The following LRP5 variants were observed in gnomAD, a reference collection of about 807,000 sequenced individuals.
LRP5 encodes LDL receptor related protein 5.
Under a neutral mutation model 154.1 loss-of-function variants are expected in LRP5, and 62 were observed. That is an observed-to-expected ratio of 0.40 (90% CI 0.33 to 0.50). LRP5 has a LOEUF of 0.50. Ranked by LOEUF, LRP5 falls within the 20% of genes least tolerant of loss-of-function variation. The pLI, the probability that LRP5 is intolerant of heterozygous loss-of-function variation, is 0.55. For synonymous variants in LRP5, 966 were observed against 1,011.5 expected, an observed-to-expected ratio of 0.96 and a Z score of 0.85; for missense variants, 1,915 against 2,336.7, an observed-to-expected ratio of 0.82 and a Z score of 3.72.
chr11:68,333,501 A>G (rs2098604039), intron 1 of LRP5, among the ~76,000 whole-genome samples: 1 of 152,164 alleles, frequency 6.6e-6, no homozygotes, highest in Non-Finnish European at 1.5e-5. Flanking sequence ...TAGCCTGATC[A>G]GTGCTTTTTC....
intron 3 of LRP5, 43 bp downstream of exon 3, chr11:68,357,890 C>A: frequency 1.9e-6 from 3 of 1,561,224 alleles, no homozygotes; most frequent in Non-Finnish European, 2.6e-6. Context: ...TCCCCTTTGT[C>A]CCCAGGGCTT....
chr11:68,363,613 C>T (rs1214554954), intron 3 of LRP5, 134 bp from the exon 4 acceptor site: 2 of 741,048 alleles, frequency 2.7e-6, no homozygotes, highest in South Asian at 3.1e-5. Context: ...GCTGAGATTA[C>T]ATCACTGCAC....
In LRP5 at chr11:68,413,247, A is replaced by G; in HGVS notation, c.2504-442A>G. On this transcript the variant is annotated intron_variant, in intron 11 of 22. Coordinates refer to ENST00000294304, the MANE Select transcript of LRP5 (RefSeq NM_002335.4). This position sits in a 1 kb window ranked among gnomAD's most constrained non-coding sequence, Gnocchi z 5.1. ...AAACCAGCAAAAGCCCTGGAAACTC[A>G]TGTGACCCTGCCAATGAGGGCGGCC... is the stretch of plus-strand genomic sequence containing the variant. The G allele has an allele frequency of 3.5e-6, 1 of 287,604 alleles. No homozygotes were observed. The highest frequency in any genetic ancestry group is 6.7e-6 in the Non-Finnish European group (1 of 149,730). The allele number at this position is 287,604 out of a possible 1,614,324, so 17.8% of individuals were successfully genotyped here. A position where few individuals can be genotyped will look rare whatever the true frequency, so the allele number is the denominator to read the frequency against.
chr11:68,395,232 C>A (rs549240624), intron 7 of LRP5, among the ~76,000 whole-genome samples: 1 of 143,176 alleles, frequency 7.0e-6, no homozygotes, highest in Non-Finnish European at 1.5e-5. Context: ...ACCTGGGAGG[C>A]GGAGGTTGCA....
chr11:68,406,707 C>A lies in LRP5; in HGVS notation c.1985C>A (p.Thr662Asn). Residue 662 changes from threonine to asparagine, a missense_variant, in exon 9 of 23, where the codon ACC (threonine) becomes AAC (asparagine). Thr to Asn is a moderately conservative substitution (Grantham distance 65, BLOSUM62 0). Coordinates refer to ENST00000294304, the MANE Select transcript of LRP5 (RefSeq NM_002335.4). ...GCCATCCACAGGATCTCCCTCGAGA[C>A]CAATAACAACGACGTGGCCATCCCG... ...RAAIHRISLETNNNDVAIPLT... is the reference protein window; with the variant it reads ...RAAIHRISLENNNNDVAIPLT... 1 of 1,614,188 alleles carries A rather than the reference C, an allele frequency of 6.2e-7. No homozygotes were observed. The highest frequency in any genetic ancestry group is 8.5e-7 in the Non-Finnish European group (1 of 1,180,040).
intron 8 of LRP5, chr11:68,404,515 G>A (rs558921750): frequency 5.0e-4 from 244 of 488,176 alleles, no homozygotes; most frequent in Non-Finnish European, 7.7e-4. Context: ...GGAGCAGGTT[G>A]GGGCAGAAAG....
rs1451141435 is a variant in LRP5, at chr11:68,406,873, C to G, written c.2091+60C>G. On this transcript the variant is annotated intron_variant, in intron 9 of 22. Coordinates refer to ENST00000294304, the MANE Select transcript of LRP5 (RefSeq NM_002335.4). ...TTATGGGAAAACCTTGCCTCTGTTC[C>G]TGCCTCAAAGGCTTCAGACACTTTT... The G allele has an allele frequency of 1.9e-6, 3 of 1,560,338 alleles. No individual in the cohort carries two copies. The East Asian group carries it at 6.9e-5, about 36-fold the overall frequency.
chr11:68,329,935 C>T (rs1450945427), intron 1 of LRP5, among the ~76,000 whole-genome samples: 1 of 152,214 alleles, frequency 6.6e-6, no homozygotes, highest in African/African-American at 2.4e-5. Context: ...TAGTAATGGG[C>T]TGGTTTCTGG....
chr11:68,406,462 C>A, intron 8 of LRP5, 62 bp from the exon 9 acceptor site: 1 of 1,551,374 alleles, frequency 6.4e-7, no homozygotes, highest in Non-Finnish European at 8.9e-7. Flanking sequence ...TGTGGCTTGG[C>A]CGCACCCCTT....
intron 1 of LRP5, among the ~76,000 whole-genome samples, chr11:68,314,797 C>G (rs2098591852): frequency 6.6e-6 from 1 of 152,236 alleles, no homozygotes; most frequent in South Asian, 2.1e-4. Context: ...GTGGGGTTAA[C>G]CAAGTGCTGT....
At position 68,447,328 on chromosome 11, in the gene LRP5, A is replaced by G. The variant is rs759184925; in HGVS notation, c.4586+795A>G. Among the ~76,000 whole-genome samples the G allele has an allele frequency of 1.2e-4, 19 of 152,288 alleles. No homozygotes were observed. The highest frequency in any genetic ancestry group is 2.2e-4 in the Non-Finnish European group (15 of 68,026). Reference sequence around the variant, plus strand: ...TGGGCCTGGGCCAGGACACCTCTGGACCACGCATTCCTCATTGCTTGGGTC... The same window carrying G: ...TGGGCCTGGGCCAGGACACCTCTGGGCCACGCATTCCTCATTGCTTGGGTC... On this transcript the variant is annotated intron_variant, in intron 22 of 22. Coordinates refer to ENST00000294304, the MANE Select transcript of LRP5 (RefSeq NM_002335.4). The surrounding 1 kb of genome is among the most constrained non-coding windows in gnomAD (Gnocchi z 4.3).
chr11:68,438,971 C>T (rs971846854), intron 20 of LRP5, among the ~76,000 whole-genome samples: 1 of 152,218 alleles, frequency 6.6e-6, no homozygotes, highest in African/African-American at 2.4e-5. Flanking sequence ...GTGTTGTCCA[C>T]AAATCCTCAT....
At chr11:68,361,598 C>G (rs900065363) in intron 3 of LRP5, among the ~76,000 whole-genome samples, 1 of 152,072 alleles carries the variant, frequency 6.6e-6, no homozygotes, top group Non-Finnish European at 1.5e-5. Flanking sequence ...GATGGCACCA[C>G]TGCACTCCAG....
chr11:68,409,226 TATAAAATATATATTATATAATATATA>T (rs1232951024), intron 9 of LRP5, among the ~76,000 whole-genome samples: 1 of 60,460 alleles, frequency 1.7e-5, no homozygotes, highest in Non-Finnish European at 3.8e-5. Context: ...TAATATATAA[TATAAAATATATATTATATAATATATA>T]ATAAAATATA....
intron 1 of LRP5, among the ~76,000 whole-genome samples, chr11:68,334,822 C>T (rs187911541): frequency 7.9e-5 from 12 of 152,094 alleles, no homozygotes; most frequent in East Asian, 7.7e-4. Flanking sequence ...GTCGAGATCA[C>T]GCCATTTTAC....
chr11:68,371,605 C>T (rs2098634039), intron 5 of LRP5, among the ~76,000 whole-genome samples: 3 of 152,264 alleles, frequency 2.0e-5, no homozygotes, highest in Admixed American at 2.0e-4. Flanking sequence ...GCTGCAGGTG[C>T]CCATTGGTAT....
At chr11:68,404,089 G>T in intron 8 of LRP5, 1 of 430,704 alleles carries the variant, frequency 2.3e-6, no homozygotes. Context: ...TCCCTCCTGG[G>T]TCTGCCTGGG....
chr11:68,429,485 T>G, intron 16 of LRP5, 90 bp from the exon 17 acceptor site: 13 of 1,553,752 alleles, frequency 8.4e-6, no homozygotes, highest in East Asian at 2.2e-5. Context: ...CCAGTTCTCA[T>G]GAGTTCTCAT....
At chr11:68,321,806 A>G (rs1197069177) in intron 1 of LRP5, among the ~76,000 whole-genome samples, 1 of 152,192 alleles carries the variant, frequency 6.6e-6, no homozygotes, top group African/African-American at 2.4e-5. Flanking sequence ...GTACCCCTGT[A>G]TTAGTTCAGA....
Sources: allele counts gnomAD v4.1 joint callset (sites outside exome capture counted in the v4.1 genomes callset), GRCh38; gene constraint gnomAD v4.1.1; non-coding constraint Gnocchi (gnomAD v3.1); transcripts MANE v1.5; gene names NCBI Gene and HGNC (gene_info 2026-07-23, HGNC 2026-07-21).